Variants in AFG2A observed in about 807,000 individuals in gnomAD.
The protein encoded by AFG2A is AAA ATPase AFG2A.
chr4:122,938,336 CTT>C, the AFG2A span: 2 of 1,306,272 alleles, frequency 1.5e-6, no homozygotes, highest in Non-Finnish European at 2.0e-6. Flanking sequence ...GTGTCAGAGT[CTT>C]TGGATATTTT....
chr4:123,068,949 G>T, the AFG2A span, among the ~76,000 whole-genome samples: 1 of 152,146 alleles, frequency 6.6e-6, no homozygotes, highest in African/African-American at 2.4e-5. Context: ...TCATTGGTAA[G>T]CTTTGGAATA....
the AFG2A span, among the ~76,000 whole-genome samples, chr4:122,944,889 G>C: frequency 1.3e-5 from 2 of 152,176 alleles, no homozygotes; most frequent in African/African-American, 2.4e-5. Flanking sequence ...GTTGGAGTTT[G>C]CTAGAGGTCC....
chr4:122,981,197 A>C, the AFG2A span, among the ~76,000 whole-genome samples: 1 of 152,150 alleles, frequency 6.6e-6, no homozygotes, highest in African/African-American at 2.4e-5. Context: ...AAGACTGGCC[A>C]GTTTCATGTG....
At chr4:123,278,428 A>G in the AFG2A span, among the ~76,000 whole-genome samples, 118 of 152,018 alleles carry the variant, frequency 7.8e-4, no homozygotes, top group African/African-American at 2.7e-3. Context: ...GACCTTTTGT[A>G]TGGTTTTTCA....
the AFG2A span, among the ~76,000 whole-genome samples, chr4:123,028,674 T>G: frequency 1.3e-5 from 2 of 152,310 alleles, 1 homozygote; most frequent in South Asian, 4.1e-4. Context: ...GCTAATCTTT[T>G]TTTTTGTTTG....
the AFG2A span, among the ~76,000 whole-genome samples, chr4:123,120,394 T>C: frequency 2.0e-3 from 311 of 152,298 alleles, no homozygotes; most frequent in Non-Finnish European, 3.6e-3. Context: ...TTCAGTGCAC[T>C]TGTGACATCA....
chr4:123,055,821 G>A, the AFG2A span, among the ~76,000 whole-genome samples: 1 of 152,184 alleles, frequency 6.6e-6, no homozygotes, highest in African/African-American at 2.4e-5. Context: ...CCCCACAACT[G>A]AGGTCATCTA....
the AFG2A span, among the ~76,000 whole-genome samples, chr4:123,204,960 A>T: frequency 1.3e-5 from 2 of 152,188 alleles, no homozygotes; most frequent in Non-Finnish European, 2.9e-5. Flanking sequence ...ACTATAAATC[A>T]GTGCTCCCCT....
At chr4:122,996,357 AACTT>A in the AFG2A span, among the ~76,000 whole-genome samples, 548 of 152,260 alleles carry the variant, frequency 3.6e-3, 4 homozygotes, top group African/African-American at 0.012. Flanking sequence ...AAAAACAACT[AACTT>A]AATTTTAGTT....
the AFG2A span, among the ~76,000 whole-genome samples, chr4:123,017,210 A>G: frequency 2.3e-3 from 113 of 49,944 alleles, no homozygotes; most frequent in African/African-American, 4.3e-3. Flanking sequence ...AGAGGGAGAG[A>G]GAGAGGGAGA....
the AFG2A span, among the ~76,000 whole-genome samples, chr4:123,042,647 G>T: frequency 6.6e-6 from 1 of 151,336 alleles, no homozygotes. Context: ...CTTTTCTTTT[G>T]CATTCAGTGC....
the AFG2A span, among the ~76,000 whole-genome samples, chr4:123,218,852 A>G: frequency 0.021 from 3,179 of 152,308 alleles, 102 homozygotes; most frequent in African/African-American, 0.072. Flanking sequence ...AAATGTCTGT[A>G]TGCTGGAGAA....
the AFG2A span, among the ~76,000 whole-genome samples, chr4:123,006,892 CTTG>C: frequency 2.8e-5 from 1 of 36,102 alleles, no homozygotes; most frequent in Non-Finnish European, 8.2e-5. Context: ...TCTTTGCATG[CTTG>C]TTATTTTTTT....
the AFG2A span, among the ~76,000 whole-genome samples, chr4:123,099,205 T>C: frequency 6.6e-6 from 1 of 151,958 alleles, no homozygotes; most frequent in African/African-American, 2.4e-5. Context: ...TTTAATCAGG[T>C]CATTTGTTGC....
chr4:123,070,103 T>C, the AFG2A span, among the ~76,000 whole-genome samples: 3,299 of 152,294 alleles, frequency 0.022, 60 homozygotes, highest in Non-Finnish European at 0.036. Context: ...TTGAAGCTTC[T>C]GAAAATCTTC....
the AFG2A span, among the ~76,000 whole-genome samples, chr4:123,079,121 T>C: frequency 1.3e-5 from 2 of 152,328 alleles, no homozygotes; most frequent in South Asian, 4.1e-4. Context: ...CATTTCTGTT[T>C]CCTAAAGTAG....
At chr4:122,938,184 G>C in the AFG2A span, 2 of 1,609,858 alleles carry the variant, frequency 1.2e-6, no homozygotes, top group Non-Finnish European at 1.7e-6. Context: ...AAGAGAGGGG[G>C]CCCAGAATGA....
chr4:123,018,970 T>G, the AFG2A span, among the ~76,000 whole-genome samples: 3 of 152,110 alleles, frequency 2.0e-5, no homozygotes, highest in Admixed American at 2.0e-4. Flanking sequence ...TTGCCTTTAG[T>G]TTAAAGTGAT....
chr4:123,282,461 T>G, the AFG2A span, among the ~76,000 whole-genome samples: 2 of 152,314 alleles, frequency 1.3e-5, no homozygotes, highest in Admixed American at 6.5e-5. Context: ...TGCTGTATGA[T>G]CCAAATAATA....
Sources: allele counts gnomAD v4.1 joint callset (sites outside exome capture counted in the v4.1 genomes callset), GRCh38; gene constraint gnomAD v4.1.1; transcripts MANE v1.5; gene names NCBI Gene and HGNC (gene_info 2026-07-23, HGNC 2026-07-21).